Variants in APOOL observed in about 807,000 individuals in gnomAD.
APOOL encodes the protein MICOS complex subunit MIC27.
In APOOL, 12 loss-of-function variants were observed where a neutral mutation model predicts 23.1. That is an observed-to-expected ratio of 0.52 (90% CI 0.33 to 0.84). The LOEUF (loss-of-function observed/expected upper bound fraction) is 0.84. APOOL is among the 40% of genes least tolerant of loss of function. APOOL has a pLI of 0.02. For synonymous variants in APOOL, 77 were observed against 69.9 expected (o/e 1.10, Z -0.51); for missense variants, 212 against 199.6 (o/e 1.06, Z -0.37).
At chrX:85,061,490 G>A (rs895288864) in intron 5 of APOOL, among the ~76,000 whole-genome samples, 64 of 111,965 alleles carry the variant, frequency 5.7e-4, no homozygotes, top group African/African-American at 1.7e-3. Context: ...GGTAGAATTC[G>A]GCTGTGAATC....
In APOOL at chrX:85,067,180, A is replaced by C; in HGVS notation, c.448A>C (p.Thr150Pro). Residue 150 changes from threonine (T) to proline (P), a missense_variant, in exon 6 of 9, where the codon ACT becomes CCT. By Grantham distance (38) the Thr-to-Pro change is conservative (BLOSUM62 -1). Transcript: ENST00000373173. ...TCTGGGACTGGCCACTTTAGGAGCA[A>C]CTGTTTGCTACCCAGTTCAGTCCGT... ...YPLGLATLGA[T>P]VCYPVQSVII... The C allele has an allele frequency of 8.6e-7, 1 of 1,160,997 alleles. No individual in the cohort carries two copies. Among genetic ancestry groups the C allele is most frequent in the African/African-American group, 1.8e-5 (1 of 56,362 alleles).
At chrX:85,073,653 T>C (rs1923740638) in intron 6 of APOOL, among the ~76,000 whole-genome samples, 1 of 110,923 alleles carries the variant, frequency 9.0e-6, no homozygotes, top group Non-Finnish European at 1.9e-5. Context: ...ATAGACACAG[T>C]TTTCACTTAT....
chrX:85,026,297 G>A (rs1413283656), intron 1 of APOOL, among the ~76,000 whole-genome samples: 1 of 113,068 alleles, frequency 8.8e-6, no homozygotes. Context: ...ATGGGGCCCT[G>A]AGCCTGGCCT....
chrX:85,011,176 T>G (rs754214508), intron 1 of APOOL, among the ~76,000 whole-genome samples: 1 of 111,809 alleles, frequency 8.9e-6, no homozygotes, highest in Admixed American at 9.5e-5. Flanking sequence ...TCACCTACTT[T>G]TTGATGCAAA....
At chrX:85,076,437 G>A (rs1341790877) in intron 8 of APOOL, among the ~76,000 whole-genome samples, 2 of 109,592 alleles carry the variant, frequency 1.8e-5, no homozygotes, top group Admixed American at 9.9e-5. Flanking sequence ...CCTGGGGCAA[G>A]TTATCAAACA....
intron 1 of APOOL, among the ~76,000 whole-genome samples, chrX:85,021,644 GCT>G (rs199754739): frequency 0.015 from 1,624 of 111,600 alleles, 21 homozygotes; most frequent in African/African-American, 0.05. Context: ...GTGGATTTAG[GCT>G]CCAGGTTCCA....
At chrX:85,019,475 C>A (rs1023038940) in intron 1 of APOOL, among the ~76,000 whole-genome samples, 1 of 112,062 alleles carries the variant, frequency 8.9e-6, no homozygotes, top group Non-Finnish European at 1.9e-5. Context: ...GAACTGTAAG[C>A]AATACATTTC....
chrX:85,085,488 T>A (rs1202845518), intron 8 of APOOL, among the ~76,000 whole-genome samples: 1 of 112,099 alleles, frequency 8.9e-6, no homozygotes. Flanking sequence ...TGTTAATATA[T>A]GTGGTGATGA....
intron 1 of APOOL, among the ~76,000 whole-genome samples, chrX:85,022,434 T>C (rs1436769064): frequency 8.9e-6 from 1 of 111,775 alleles, no homozygotes; most frequent in Non-Finnish European, 1.9e-5. Context: ...GTTCAAAATA[T>C]GCAGATCAAT....
rs766497759 is a variant in APOOL at position 85,088,316 on chromosome X, G to GTTTTTTTTTTTTTTT, written c.*653_*667dup. On this transcript the variant is annotated 3_prime_UTR_variant, in exon 9 of 9. Coordinates refer to ENST00000373173, the MANE Select transcript of APOOL (RefSeq NM_198450.6). ...TGTATGGAAAGGTGTGTTTCCCTCT[G>GTTTTTTTTTTTTTTT]TTTTTTTTTTTTTTTTTTTTTTTTT... 1.0e-3 allele frequency: 23 copies of GTTTTTTTTTTTTTTT among 22,528 alleles called. 9 individuals are homozygous for GTTTTTTTTTTTTTTT. Among genetic ancestry groups the GTTTTTTTTTTTTTTT allele is most frequent in the Non-Finnish European group, 1.6e-3 (20 of 12,652 alleles). The allele number at this position is 22,528 out of a possible 1,213,427, so 1.9% of individuals were successfully genotyped here.
intron 8 of APOOL, chrX:85,080,583 G>T (rs1396728460): frequency 1.8e-5 from 2 of 111,805 alleles, no homozygotes; most frequent in African/African-American, 6.5e-5. Context: ...TTGGGGTGGA[G>T]AGTTCTGTAG....
At chrX:85,012,872 A>G (rs1921337227) in intron 1 of APOOL, among the ~76,000 whole-genome samples, 1 of 111,690 alleles carries the variant, frequency 9.0e-6, no homozygotes, top group Non-Finnish European at 1.9e-5. Context: ...TGATCTAGGG[A>G]GGACTCCCTC....
At chrX:85,067,068 G>C in intron 5 of APOOL, 59 bp from the exon 6 acceptor site, 1 of 760,926 alleles carries the variant, frequency 1.3e-6, no homozygotes, top group Admixed American at 2.8e-5. Flanking sequence ...TACGGTATAA[G>C]AACATCAAGT....
At chrX:85,013,781 A>T (rs189890297) in intron 1 of APOOL, among the ~76,000 whole-genome samples, 79 of 111,824 alleles carry the variant, frequency 7.1e-4, no homozygotes, top group African/African-American at 2.5e-3. Flanking sequence ...TGATGAAAAG[A>T]ATGTATATTC....
chrX:85,074,251 G>A, intron 7 of APOOL, 23 bp from the exon 8 acceptor site: 1 of 1,208,174 alleles, frequency 8.3e-7, no homozygotes, highest in Non-Finnish European at 1.1e-6. Context: ...TACTTATGAA[G>A]GAAAAATCTG....
chrX:85,019,235 C>T (rs1321422818), intron 1 of APOOL, among the ~76,000 whole-genome samples: 8 of 109,793 alleles, frequency 7.3e-5, no homozygotes, highest in Admixed American at 2.9e-4. Flanking sequence ...AAACTAATAC[C>T]GTATGTGACA....
intron 3 of APOOL, among the ~76,000 whole-genome samples, chrX:85,053,240 T>C (rs920998309): frequency 2.7e-5 from 3 of 111,410 alleles, no homozygotes; most frequent in Non-Finnish European, 3.8e-5. Flanking sequence ...TTTTCTTCCT[T>C]AATGGTTAAA....
In APOOL at chrX:85,038,524, GTTTTTTTTTTT is replaced by G. The variant is rs56248244; in HGVS notation, c.16-7906_16-7896del. Among the ~76,000 whole-genome samples the G allele has an allele frequency of 1.6e-3, 68 of 43,436 alleles. 2 individuals carry two copies. Among genetic ancestry groups the G allele is most frequent in the African/African-American group, 6.9e-3 (64 of 9,321 alleles). 37.7% of individuals were successfully genotyped at this position (43,436 alleles called of 115,157 possible). On this transcript the variant is annotated intron_variant, in intron 1 of 8. Transcript: ENST00000373173. Reference sequence around the variant, plus strand: ...TAAGCTGTGAATCTATCTGGTACAAGTTTTTTTTTTTTTTTTTTTTTTTTTTCTGGTTGGTA... The same window carrying G: ...TAAGCTGTGAATCTATCTGGTACAAGTTTTTTTTTTTTTTTCTGGTTGGTA...
At chrX:85,028,492 A>G (rs1010609992) in intron 1 of APOOL, among the ~76,000 whole-genome samples, 5 of 111,599 alleles carry the variant, frequency 4.5e-5, no homozygotes, top group Admixed American at 9.5e-5. Flanking sequence ...CATTATGGAG[A>G]ATGGGGTATC....
Sources: allele counts gnomAD v4.1 joint callset (sites outside exome capture counted in the v4.1 genomes callset), GRCh38; gene constraint gnomAD v4.1.1; transcripts MANE v1.5; gene names NCBI Gene and HGNC (gene_info 2026-07-23, HGNC 2026-07-21).